The following MACF1 variants were observed in gnomAD, a reference collection of about 807,000 sequenced individuals.
MACF1 encodes microtubule actin crosslinking factor 1, also known as microtubule-actin cross-linking factor 1.
MACF1 carries 193 observed loss-of-function variants against 854.8 expected under a neutral mutation model. That is an observed-to-expected ratio of 0.23 (90% confidence interval 0.20 to 0.25). MACF1 has a LOEUF of 0.25. Ranked by LOEUF, MACF1 falls within the 10% of genes least tolerant of loss-of-function variation. The probability of loss-of-function intolerance (pLI) is 1.00; values close to 1 mark genes in which losing one functional copy is unlikely to be tolerated. For synonymous variants in MACF1, 3,185 were observed against 3,226.7 expected (o/e 0.99, Z 0.44); for missense variants, 7,722 against 8,929.1 (o/e 0.86, Z 5.45).
At chr1:39,227,141 C>G (rs557045253) in intron 1 of MACF1, among the ~76,000 whole-genome samples, 3 of 152,270 alleles carry the variant, frequency 2.0e-5, no homozygotes, top group South Asian at 2.1e-4. Context: ...CTCAAACTCC[C>G]AGGCTCAAGT....
At chr1:39,423,940 G>A (rs1365616403) in intron 60 of MACF1, 88 bp from the exon 61 acceptor site, 2 of 1,160,808 alleles carry the variant, frequency 1.7e-6, no homozygotes, top group African/African-American at 1.6e-5. Flanking sequence ...AGGATTTGGC[G>A]GGTTGGTTTC....
At chr1:39,208,273 T>C (rs1644476315) in intron 1 of MACF1, among the ~76,000 whole-genome samples, 1 of 151,850 alleles carries the variant, frequency 6.6e-6, no homozygotes, top group Non-Finnish European at 1.5e-5. Context: ...AACTCACAGC[T>C]CTACTAATGG....
intron 58 of MACF1, among the ~76,000 whole-genome samples, chr1:39,393,194 A>ATATATATATATAT (rs1354096240): frequency 2.1e-4 from 17 of 79,228 alleles, no homozygotes; most frequent in Admixed American, 2.6e-4. Context: ...AAAAAAAAAA[A>ATATATATATATAT]AAATATATAT....
Position 39,480,957 on chromosome 1 carries a change from G to A in MACF1, c.22208G>A (p.Trp7403Ter), listed in dbSNP as rs200977707. 5.5e-5 allele frequency: 85 copies of A among 1,550,730 alleles called. No individual in the cohort carries two copies. Among genetic ancestry groups the A allele is most frequent in the Non-Finnish European group, 7.1e-5 (81 of 1,146,966 alleles). Residue 7403 changes from tryptophan (W) to a stop codon, truncating the protein, a stop_gained, in exon 99 of 101, where the codon TGG becomes TAG. Transcript: ENST00000564288. LOFTEE classifies it high-confidence loss of function. The part of the protein sequence containing the change: ...LQFSRCYDKP[W>*]LVNSKAGTPI... ...TTCTCTCGCTGTTATGACAAACCCTGGTTGGTAAACAGTAAAGCTGGCACC... is the reference window on the plus strand; with the variant it reads ...TTCTCTCGCTGTTATGACAAACCCTAGTTGGTAAACAGTAAAGCTGGCACC...
intron 60 of MACF1, among the ~76,000 whole-genome samples, 189 bp downstream of exon 60, chr1:39,423,089 T>C (rs1643599919): frequency 6.6e-6 from 1 of 152,226 alleles, no homozygotes; most frequent in Non-Finnish European, 1.5e-5. Context: ...TGGCATATAT[T>C]AGACTGAATA....
At chr1:39,341,152 G>A (rs1350741546) in intron 40 of MACF1, among the ~76,000 whole-genome samples, 199 bp downstream of exon 40, 2 of 151,134 alleles carry the variant, frequency 1.3e-5, no homozygotes, top group Non-Finnish European at 2.9e-5. Flanking sequence ...TCCTGCCTCA[G>A]CCTCCTGAGT....
In MACF1 at chr1:39,297,478, G is replaced by T. The variant is rs544258150; in HGVS notation, c.2356-142G>T. On this transcript the variant is annotated intron_variant, in intron 20 of 100. Transcript: ENST00000564288. ...AAGCCCTTCGGTTTATGTTTCAGTGGTCCTTGTAATAAACTGTCACTAATG... is the reference window on the plus strand; with the variant it reads ...AAGCCCTTCGGTTTATGTTTCAGTGTTCCTTGTAATAAACTGTCACTAATG... 9 of 990,608 alleles carry T rather than the reference G, an allele frequency of 9.1e-6. No homozygotes were observed. In the East Asian group the frequency reaches 2.2e-4, roughly 24 times the overall value. The allele number at this position is 990,608 out of a possible 1,614,324, so 61.4% of individuals were successfully genotyped here.
intron 50 of MACF1, 95 bp downstream of exon 50, chr1:39,368,409 G>C: frequency 7.7e-7 from 1 of 1,295,714 alleles, no homozygotes; most frequent in Non-Finnish European, 1.1e-6. Flanking sequence ...TACCAGAACA[G>C]ATGGCATCTA....
intron 26 of MACF1, among the ~76,000 whole-genome samples, chr1:39,311,399 G>A (rs1646297450): frequency 6.6e-6 from 1 of 152,076 alleles, no homozygotes; most frequent in African/African-American, 2.4e-5. Context: ...TTTGAATGTG[G>A]GCTCTGATAC....
At chr1:39,412,937 T>C (rs1324653590) in intron 58 of MACF1, 3 of 1,602,780 alleles carry the variant, frequency 1.9e-6, no homozygotes, top group African/African-American at 2.7e-5. Flanking sequence ...ATAGTCTCCT[T>C]AGAGGAGGAG....
chr1:39,361,716 G>A (rs749954320), intron 49 of MACF1, 39 bp downstream of exon 49: 2 of 1,599,644 alleles, frequency 1.3e-6, no homozygotes, highest in Admixed American at 3.4e-5. Flanking sequence ...ATAAAGGGAA[G>A]AGAAGGGCAG....
Position 39,441,341 on chromosome 1 carries a change from G to A in MACF1, c.18672+16G>A, listed in dbSNP as rs909693605. ...CACTCTTCAGGTGAGAGGCCAGGAG[G>A]TGACCACCAAGGAAATACAGGTTCT... On this transcript the variant is annotated intron_variant, in intron 74 of 100. Transcript: ENST00000564288. 21 of 1,597,446 alleles carry A rather than the reference G, an allele frequency of 1.3e-5. No individual in the cohort carries two copies. In the Admixed American group the frequency reaches 3.0e-4, roughly 23 times the overall value.
intron 6 of MACF1, among the ~76,000 whole-genome samples, chr1:39,261,011 TTCTC>T (rs1484974942): frequency 6.6e-6 from 1 of 152,152 alleles, no homozygotes; most frequent in African/African-American, 2.4e-5. Flanking sequence ...TTGAAATAAT[TTCTC>T]TCTATTGTTG....
At chr1:39,108,506 GT>G (rs778050199) in intron 2 of MACF1, among the ~76,000 whole-genome samples, 1,618 of 120,692 alleles carry the variant, frequency 0.013, 9 homozygotes, top group African/African-American at 0.043. Context: ...ACATGAGAGG[GT>G]TTTTTTTTTT....
In MACF1 at chr1:39,410,295, T is replaced by C. The variant is rs776616299; in HGVS notation, c.15817-12079T>C. ...GTAAGCCACTCAGCAGACCAGACTG[T>C]TTAAGGCGGAACCCCAGCTGCCTGG... On this transcript the variant is annotated intron_variant, in intron 58 of 100. Transcript: ENST00000564288. 13 of 1,609,378 alleles carry C rather than the reference T, an allele frequency of 8.1e-6. No homozygotes were observed. In the Admixed American group the frequency reaches 1.5e-4, roughly 19 times the overall value.
At chr1:39,348,309 A>G (rs772979748) in intron 41 of MACF1, among the ~76,000 whole-genome samples, 10 of 152,242 alleles carry the variant, frequency 6.6e-5, no homozygotes, top group Non-Finnish European at 1.2e-4. Flanking sequence ...TCTGAGCCAC[A>G]TTAAGACAAG....
At chr1:39,312,555 T>C (rs780064592) in intron 26 of MACF1, among the ~76,000 whole-genome samples, 1 of 152,160 alleles carries the variant, frequency 6.6e-6, no homozygotes, top group African/African-American at 2.4e-5. Context: ...TTGAGTGTGG[T>C]GGCTCACGTC....
chr1:39,102,425 A>G (rs1482824885), intron 2 of MACF1, among the ~76,000 whole-genome samples: 1 of 33,666 alleles, frequency 3.0e-5, no homozygotes, highest in Admixed American at 2.8e-4. Flanking sequence ...AGGACCTATT[A>G]ATTGGAGGCG....
rs559759405 is a variant in MACF1 at position 39,362,399 on chromosome 1, A to G, written c.12771+722A>G. 5.7e-4 allele frequency among the ~76,000 whole-genome samples: 87 copies of G among 152,292 alleles called. 1 individual carries two copies. In the Middle Eastern group the frequency reaches 0.017, roughly 30 times the overall value. On this transcript the variant is annotated intron_variant, in intron 49 of 100. Coordinates refer to ENST00000564288, the MANE Select transcript of MACF1 (RefSeq NM_001394062.1). ...CTCCTTTTTGCTTTGAATGATTTCAAACTTACAGAAAAGCAGAAGAAATGG... is the reference window on the plus strand; with the variant it reads ...CTCCTTTTTGCTTTGAATGATTTCAGACTTACAGAAAAGCAGAAGAAATGG...
Sources: allele counts gnomAD v4.1 joint callset (sites outside exome capture counted in the v4.1 genomes callset), GRCh38; gene constraint gnomAD v4.1.1; transcripts MANE v1.5; gene names NCBI Gene and HGNC (gene_info 2026-07-23, HGNC 2026-07-21).